Variants in NPC1 observed in about 807,000 individuals in gnomAD.
The protein encoded by NPC1 is NPC intracellular cholesterol transporter 1.
Under a neutral mutation model 140.4 loss-of-function variants are expected in NPC1, and 85 were observed. That is an observed-to-expected ratio of 0.61 (90% CI 0.51 to 0.72). The LOEUF (loss-of-function observed/expected upper bound fraction) is 0.72, where lower values mean the gene tolerates loss of function less well. NPC1 is among the 30% of genes least tolerant of loss of function. The probability of loss-of-function intolerance (pLI) is 0.00; values close to 1 mark genes in which losing one functional copy is unlikely to be tolerated. For missense variants in NPC1, 1,504 were observed against 1,623.8 expected, an observed-to-expected ratio of 0.93 and a Z score of 1.27; for synonymous variants, 656 against 624.8, an observed-to-expected ratio of 1.05 and a Z score of -0.74.
chr18:23,577,448 T>C (rs1275522279), intron 1 of NPC1, among the ~76,000 whole-genome samples: 26 of 145,880 alleles, frequency 1.8e-4, no homozygotes, highest in African/African-American at 3.7e-4. Flanking sequence ...AGAGTGTTGA[T>C]TGGTGCACTC....
At position 23,531,755 on chromosome 18, in the gene NPC1, C is replaced by T. The variant is rs745521777; in HGVS notation, c.*447G>A. The T allele has an allele frequency of 6.3e-7, 1 of 1,584,668 alleles. No individual in the cohort carries two copies. Among genetic ancestry groups the T allele is most frequent in the South Asian group, 1.2e-5 (1 of 85,726 alleles). On this transcript the variant is annotated 3_prime_UTR_variant, in exon 25 of 25. Transcript: ENST00000269228. ...AAATGTGTACAAAGTTAATTTATTG[C>T]ATTAATAAAGCTCTTTAAACTATAA...
intron 4 of NPC1, among the ~76,000 whole-genome samples, chr18:23,568,107 A>G (rs1010221251): frequency 6.6e-6 from 1 of 151,970 alleles, no homozygotes; most frequent in African/African-American, 2.4e-5. Context: ...AATATAATCT[A>G]TTTTCTCATC....
At chr18:23,584,178 A>G (rs1208111491) in intron 1 of NPC1, among the ~76,000 whole-genome samples, 1 of 152,214 alleles carries the variant, frequency 6.6e-6, no homozygotes, top group Non-Finnish European at 1.5e-5. Flanking sequence ...AAGAAAAAGC[A>G]AAAATCCCCC....
intron 3 of NPC1, among the ~76,000 whole-genome samples, chr18:23,570,241 T>C (rs2059181549): frequency 6.6e-6 from 1 of 152,262 alleles, no homozygotes; most frequent in South Asian, 2.1e-4. Context: ...CTGTATATTT[T>C]TCCAAATATC....
chr18:23,551,542 A>G, intron 10 of NPC1, 85 bp downstream of exon 10: 1 of 1,037,462 alleles, frequency 9.6e-7, no homozygotes, highest in Non-Finnish European at 1.5e-6. Context: ...CCAATTTATG[A>G]AATCTTCATA....
In NPC1 at chr18:23,534,576, C is replaced by T. The variant is rs1477818883; in HGVS notation, c.3478-17G>A. On this transcript the variant is annotated splice_polypyrimidine_tract_variant and intron_variant, in intron 22 of 24. Coordinates refer to ENST00000269228, the MANE Select transcript of NPC1 (RefSeq NM_000271.5). ...GCCACAGCTCTGAAATAAAGCACTTCCTTTAGGATGGCTCTCTTCCTGTTG... is the reference window on the plus strand; with the variant it reads ...GCCACAGCTCTGAAATAAAGCACTTTCTTTAGGATGGCTCTCTTCCTGTTG... The T allele has an allele frequency of 6.3e-7, 1 of 1,594,272 alleles. No homozygotes were observed. Among genetic ancestry groups the T allele is most frequent in the Non-Finnish European group, 8.6e-7 (1 of 1,164,212 alleles).
intron 9 of NPC1, among the ~76,000 whole-genome samples, chr18:23,552,182 C>T (rs535783527): frequency 1.1e-4 from 17 of 152,064 alleles, no homozygotes; most frequent in Admixed American, 3.3e-4. Flanking sequence ...TCCTGTATGC[C>T]GGGTATGGTG....
chr18:23,532,850 A>G, intron 24 of NPC1: 3 of 983,662 alleles, frequency 3.0e-6, no homozygotes, highest in Non-Finnish European at 3.6e-6. Context: ...GCAAATCAGT[A>G]TTGTTCTTTC....
In NPC1 at chr18:23,508,113, G is replaced by C. The variant is rs995876678; in HGVS notation, c.432-1471C>G. The C allele has an allele frequency of 2.1e-6, 3 of 1,415,228 alleles. No homozygotes were observed. In the Admixed American group the frequency reaches 6.8e-5, roughly 32 times the overall value. The allele number at this position is 1,415,228 out of a possible 1,614,324, so 87.7% of individuals were successfully genotyped here. ...GCTGGGTTATGTAGTGGAGAGCGGG[G>C]CATTGGGGTCGCAGGGAGCACAGAC... is the stretch of plus-strand genomic sequence containing the variant. On this transcript the variant is annotated intron_variant, in intron 3 of 3. Coordinates refer to the NPC1 transcript ENST00000591107.
At position 23,563,539 on chromosome 18, in the gene NPC1, A is replaced by G. The variant is rs142894860; in HGVS notation, c.464-2012T>C. ...CAGGCTCAAGTGATCCTCCCACTTC[A>G]GCCTCTCAAGTAGCTGGGACTACAG... On this transcript the variant is annotated intron_variant, in intron 4 of 24. Transcript: ENST00000269228. Among the ~76,000 whole-genome samples the G allele has an allele frequency of 4.0e-3, 609 of 152,242 alleles. 6 individuals carry two copies. Among genetic ancestry groups the G allele is most frequent in the African/African-American group, 0.014 (584 of 41,538 alleles).
In NPC1 at chr18:23,539,998, A is replaced by AG; in HGVS notation, c.2607dup (p.Ser870LeufsTer48). 6.2e-7 allele frequency: 1 copy of AG among 1,613,532 alleles called. No individual in the cohort carries two copies. The highest frequency in any genetic ancestry group is 8.5e-7 in the Non-Finnish European group (1 of 1,179,444). ...GATTTGAAATAATCCACCATGTAGGAGTCCTGAAAGAAAGATAAAAGAATA... is the reference window on the plus strand; with the variant it reads ...GATTTGAAATAATCCACCATGTAGGAGGTCCTGAAAGAAAGATAAAAGAATA... On this transcript the variant is annotated frameshift_variant, in exon 18 of 25. Transcript: ENST00000269228. LOFTEE classifies it high-confidence loss of function.
chr18:23,537,845 C>T (rs2058654998), intron 20 of NPC1, among the ~76,000 whole-genome samples: 1 of 152,174 alleles, frequency 6.6e-6, no homozygotes, highest in Non-Finnish European at 1.5e-5. Context: ...GAATAGGTCT[C>T]AAAGCACATG....
chr18:23,506,807 G>A (rs2057728195), intron 3 of NPC1, among the ~76,000 whole-genome samples: 2 of 152,138 alleles, frequency 1.3e-5, no homozygotes, highest in African/African-American at 4.8e-5. Flanking sequence ...GTTGGATTTG[G>A]TAGTTTGAAA....
intron 24 of NPC1, chr18:23,533,080 A>C (rs2058563896): frequency 1.5e-6 from 1 of 664,224 alleles, no homozygotes; most frequent in Non-Finnish European, 2.2e-6. Flanking sequence ...GCTGACACTC[A>C]GATCCATTCA....
In NPC1 at chr18:23,538,594, T is replaced by G; in HGVS notation, c.2989A>C (p.Arg997=). The G allele has an allele frequency of 6.2e-7, 1 of 1,614,186 alleles. No homozygotes were observed. The change falls in exon 20 of 25, where the codon AGA becomes CGA. Residue 997 remains arginine, a synonymous_variant. Transcript: ENST00000269228. ...KQRPQGGDFM[R]FLPMFLSDNP... ...TCCGAAAGGAACATGGGCAGGAATC[T>G]CATGAAGTCTCCCCCCTGAGGCCTC...
rs2145455256 is a variant in NPC1, at chr18:23,556,260, T to C, written c.1309A>G (p.Ile437Val). 1.2e-6 allele frequency: 2 copies of C among 1,614,148 alleles called. No homozygotes were observed. Among genetic ancestry groups the C allele is most frequent in the East Asian group, 2.2e-5 (1 of 44,876 alleles). ...ADVPFGPPLD[I>V]QILHQVLDLQ... ...CAGGTTACCTGGTGCAGTATCTGTATGTCAAGCGGAGGTCCAAAGGGTACA... is the reference window on the plus strand; with the variant it reads ...CAGGTTACCTGGTGCAGTATCTGTACGTCAAGCGGAGGTCCAAAGGGTACA... The change falls in exon 8 of 25, where the codon ATA becomes GTA. Residue 437 changes from isoleucine (I) to valine (V), a missense_variant. By Grantham distance (29) the Ile-to-Val change is conservative (BLOSUM62 3). Coordinates refer to ENST00000269228, the MANE Select transcript of NPC1 (RefSeq NM_000271.5).
rs565696602 is a variant in NPC1, at chr18:23,561,332, A to C, written c.631+28T>G. 61 of 1,613,368 alleles carry C rather than the reference A, an allele frequency of 3.8e-5. No individual in the cohort carries two copies. The South Asian group carries it at 5.9e-4, about 16-fold the overall frequency. On this transcript the variant is annotated intron_variant, in intron 5 of 24. Transcript: ENST00000269228. ...TTGGCTTTAAAACAATATCATAAAC[A>C]CACCAAACTTGGAATCTTTATACCT...
downstream of NPC1, among the ~76,000 whole-genome samples, chr18:23,525,061 C>G (rs1426840567): frequency 6.6e-6 from 1 of 150,890 alleles, no homozygotes; most frequent in Non-Finnish European, 1.5e-5. Flanking sequence ...ATTCTCCTGC[C>G]TCAGCCTCCT....
chr18:23,583,831 T>C (rs965654993), intron 1 of NPC1, among the ~76,000 whole-genome samples: 1 of 152,190 alleles, frequency 6.6e-6, no homozygotes, highest in Non-Finnish European at 1.5e-5. Context: ...CTTGATTACT[T>C]ATGTTAGTAA....
Sources: allele counts gnomAD v4.1 joint callset (sites outside exome capture counted in the v4.1 genomes callset), GRCh38; gene constraint gnomAD v4.1.1; transcripts MANE v1.5; gene names NCBI Gene and HGNC (gene_info 2026-07-23, HGNC 2026-07-21).